Variants in PATJ observed in about 807,000 individuals in gnomAD.
PATJ encodes the protein inaD-like protein.
Under a neutral mutation model 224.9 loss-of-function variants are expected in PATJ, and 190 were observed. That is an observed-to-expected ratio of 0.84 (90% CI 0.75 to 0.95). PATJ has a LOEUF of 0.95. Among genes scored for constraint, PATJ ranks in the 40% least tolerant of loss-of-function variants. The pLI is 0.00. For synonymous variants in PATJ, 769 were observed against 820.3 expected (o/e 0.94, Z 1.07); for missense variants, 2,121 against 2,270.3 (o/e 0.93, Z 1.34).
At chr1:62,080,591 A>G (rs1659129490) in intron 32 of PATJ, among the ~76,000 whole-genome samples, 1 of 152,108 alleles carries the variant, frequency 6.6e-6, no homozygotes, top group Non-Finnish European at 1.5e-5. Context: ...CTCGGCCTCC[A>G]AAAGTGCTGG....
At chr1:62,154,942 C>A (rs1037218467) in intron 43 of PATJ, among the ~76,000 whole-genome samples, 2 of 152,154 alleles carry the variant, frequency 1.3e-5, no homozygotes, top group African/African-American at 4.8e-5. Context: ...ACCTGTTAAA[C>A]TGGTGATAGG....
At chr1:61,858,293 C>T (rs1664013406) in intron 18 of PATJ, among the ~76,000 whole-genome samples, 1 of 152,092 alleles carries the variant, frequency 6.6e-6, no homozygotes, top group Admixed American at 6.6e-5. Context: ...GACAGAGCCT[C>T]ACTCCGTCAT....
chr1:61,867,754 A>G (rs1665651907), intron 20 of PATJ, among the ~76,000 whole-genome samples: 5 of 152,060 alleles, frequency 3.3e-5, no homozygotes, highest in Admixed American at 3.3e-4. Flanking sequence ...CCTCCCTTCC[A>G]CAGTGAGGAA....
chr1:61,888,339 C>T (rs1394447457), intron 22 of PATJ, among the ~76,000 whole-genome samples: 2 of 152,230 alleles, frequency 1.3e-5, no homozygotes, highest in East Asian at 3.9e-4. Flanking sequence ...TGCAGTGGGA[C>T]CATCTCAGCT....
intron 6 of PATJ, among the ~76,000 whole-genome samples, chr1:61,772,312 A>G (rs539502141): frequency 1.9e-4 from 29 of 152,246 alleles, no homozygotes; most frequent in South Asian, 6.2e-4. Flanking sequence ...TTTGAAAAAC[A>G]TTATTTTTGA....
rs375573695 is a variant in PATJ at position 62,050,993 on chromosome 1, A to G, written c.4060A>G (p.Ser1354Gly). The G allele has an allele frequency of 3.8e-5, 62 of 1,613,918 alleles. No homozygotes were observed. In the African/African-American group the frequency reaches 7.5e-4, roughly 19 times the overall value. The change falls in exon 31 of 44, where the codon AGT (serine) becomes GGT (glycine). Residue 1354 changes from serine to glycine, a missense_variant. Coordinates refer to ENST00000642238, the MANE Select transcript of PATJ (RefSeq NM_001350145.3). ...EDQSGTEPIS[S>G]EEDGSVEVGI... ...TCAGAGCGGCACCGAACCTATTAGT[A>G]GTGAGGAAGATGGCAGCGTCGAAGT... is the stretch of plus-strand genomic sequence containing the variant.
At chr1:61,908,867 G>A (rs962872867) in intron 25 of PATJ, among the ~76,000 whole-genome samples, 14 of 152,210 alleles carry the variant, frequency 9.2e-5, no homozygotes, top group African/African-American at 3.4e-4. Context: ...CACATGTTGT[G>A]TATATTTATT....
chr1:61,980,223 T>C (rs1291295154), intron 27 of PATJ, among the ~76,000 whole-genome samples: 1 of 151,918 alleles, frequency 6.6e-6, no homozygotes, highest in Non-Finnish European at 1.5e-5. Context: ...AGGTTGGGGC[T>C]GCAGTGAGCC....
intron 43 of PATJ, among the ~76,000 whole-genome samples, chr1:62,158,078 C>G (rs749312159): frequency 1.6e-4 from 24 of 149,214 alleles, no homozygotes; most frequent in Non-Finnish European, 3.4e-4. Flanking sequence ...ATCCTTAGAA[C>G]AGGCCACAAG....
chr1:61,810,004 C>G (rs377304411), intron 14 of PATJ, among the ~76,000 whole-genome samples: 1 of 151,892 alleles, frequency 6.6e-6, no homozygotes, highest in East Asian at 2.0e-4. Flanking sequence ...TGTGTCACCA[C>G]CCCCGGCTAA....
chr1:62,022,985 T>G (rs1215496979), intron 29 of PATJ, among the ~76,000 whole-genome samples: 2 of 152,154 alleles, frequency 1.3e-5, no homozygotes, highest in Admixed American at 6.5e-5. Context: ...GCAACTCGGA[T>G]GCCTATTTTA....
intron 27 of PATJ, among the ~76,000 whole-genome samples, chr1:61,971,625 A>G (rs929610532): frequency 1.3e-5 from 2 of 151,930 alleles, no homozygotes; most frequent in African/African-American, 2.4e-5. Flanking sequence ...AAAATAAAAG[A>G]AAAAAGAAAA....
At chr1:61,822,380 C>A (rs1021801577) in intron 14 of PATJ, among the ~76,000 whole-genome samples, 6 of 146,788 alleles carry the variant, frequency 4.1e-5, no homozygotes, top group African/African-American at 1.5e-4. Flanking sequence ...TGAGATTGCA[C>A]CACTATGCTT....
chr1:61,779,966 G>A (rs1188909823), intron 7 of PATJ, among the ~76,000 whole-genome samples: 4 of 152,092 alleles, frequency 2.6e-5, no homozygotes, highest in African/African-American at 2.4e-5. Flanking sequence ...CTAAGTAAAC[G>A]CACTGCAGAG....
At chr1:62,148,525 T>C in intron 42 of PATJ, 135 bp downstream of exon 42, 2 of 659,008 alleles carry the variant, frequency 3.0e-6, no homozygotes, top group South Asian at 1.8e-5. Flanking sequence ...AGGGAATCCT[T>C]ATTTCTCACA....
chr1:62,086,088 A>G lies in PATJ; in HGVS notation c.4377+1440A>G, dbSNP rs2148764294. ...CTTAGCCTCCCAAAATGCTGCAATT[A>G]CAGGCATGAGCCACTGTGCCTGGCC... On this transcript the variant is annotated intron_variant, in intron 33 of 43. Transcript: ENST00000642238. This position sits in a 1 kb window ranked among gnomAD's most constrained non-coding sequence, Gnocchi z 4.0. 6.6e-6 allele frequency among the ~76,000 whole-genome samples: 1 copy of G among 152,234 alleles called. No homozygotes were observed. The highest frequency in any genetic ancestry group is 6.5e-5 in the Admixed American group (1 of 15,286).
chr1:61,962,877 G>A (rs554500178), intron 27 of PATJ, among the ~76,000 whole-genome samples: 178 of 152,226 alleles, frequency 1.2e-3, no homozygotes, highest in African/African-American at 4.6e-4. Flanking sequence ...CTATCAAGGC[G>A]GCATGCCAGC....
At chr1:61,923,917 C>A (rs1674714569) in intron 26 of PATJ, among the ~76,000 whole-genome samples, 1 of 129,362 alleles carries the variant, frequency 7.7e-6, no homozygotes. Context: ...ACTGAAACTC[C>A]ATCTCAAAAA....
rs1474562324 is a variant in PATJ, at chr1:61,888,226, A to G, written c.3131+3818A>G. Reference sequence around the variant, plus strand: ...TGTTTCCTTAGGACAGATGCCTGGAAGTGGAGAAGTTAGAAACATATTTTA... The same window carrying G: ...TGTTTCCTTAGGACAGATGCCTGGAGGTGGAGAAGTTAGAAACATATTTTA... On this transcript the variant is annotated intron_variant, in intron 22 of 43. Coordinates refer to ENST00000642238, the MANE Select transcript of PATJ (RefSeq NM_001350145.3). Among the ~76,000 whole-genome samples the G allele has an allele frequency of 3.9e-5, 6 of 152,322 alleles. No individual in the cohort carries two copies. In the East Asian group the frequency reaches 1.2e-3, roughly 29 times the overall value.
Sources: allele counts gnomAD v4.1 joint callset (sites outside exome capture counted in the v4.1 genomes callset), GRCh38; gene constraint gnomAD v4.1.1; non-coding constraint Gnocchi (gnomAD v3.1); transcripts MANE v1.5; gene names NCBI Gene and HGNC (gene_info 2026-07-23, HGNC 2026-07-21).